SNTG1: variants seen among roughly 807,000 people sequenced by gnomAD.
SNTG1 encodes the protein syntrophin gamma 1.
Under a neutral mutation model 74.7 loss-of-function variants are expected in SNTG1, and 39 were observed. The ratio of observed to expected loss-of-function variants is 0.52; its 90% CI spans 0.40 to 0.68. The LOEUF (loss-of-function observed/expected upper bound fraction) is 0.68, where lower values mean the gene tolerates loss of function less well. Ranked by LOEUF, SNTG1 falls within the 30% of genes least tolerant of loss-of-function variation. The pLI is 0.00. For synonymous variants in SNTG1, 254 were observed against 217.1 expected (o/e 1.17, Z -1.49); for missense variants, 685 against 609.5 (o/e 1.12, Z -1.30).
At chr8:50,258,400 CAA>C (rs1178925426) in intron 2 of SNTG1, among the ~76,000 whole-genome samples, 1 of 151,818 alleles carries the variant, frequency 6.6e-6, no homozygotes, top group African/African-American at 2.4e-5. Flanking sequence ...GTAAAACATG[CAA>C]AGAGACAAGA....
At chr8:50,489,090 C>T (rs752987519) in intron 8 of SNTG1, among the ~76,000 whole-genome samples, 5 of 152,166 alleles carry the variant, frequency 3.3e-5, no homozygotes, top group Non-Finnish European at 5.9e-5. Context: ...ATCCATGTCC[C>T]CACAAGGGAT....
chr8:50,475,732 C>CA (rs1367378267), intron 8 of SNTG1, among the ~76,000 whole-genome samples: 13 of 151,124 alleles, frequency 8.6e-5, no homozygotes, highest in African/African-American at 2.7e-4. Context: ...GAAAGATTTC[C>CA]AAAAAAAATC....
intron 13 of SNTG1, among the ~76,000 whole-genome samples, chr8:50,645,052 T>C (rs2095099092): frequency 6.6e-6 from 1 of 151,748 alleles, no homozygotes; most frequent in Non-Finnish European, 1.5e-5. Context: ...CACCCTGCCA[T>C]CCCTCAGCTG....
At chr8:50,711,782 T>TA (rs1402864564) in intron 17 of SNTG1, among the ~76,000 whole-genome samples, 1 of 152,208 alleles carries the variant, frequency 6.6e-6, no homozygotes, top group Non-Finnish European at 1.5e-5. Flanking sequence ...CAAGAGGTGA[T>TA]ACATTCTTCA....
At position 50,779,012 on chromosome 8, in the gene SNTG1, T is replaced by C. The variant is rs181920746; in HGVS notation, c.1396-13659T>C. Among the ~76,000 whole-genome samples, 561 of 152,300 alleles carry C rather than the reference T, an allele frequency of 3.7e-3. 4 individuals are homozygous for C. The highest frequency in any genetic ancestry group is 0.012 in the African/African-American group (519 of 41,550). On this transcript the variant is annotated intron_variant, in intron 18 of 18. Coordinates refer to ENST00000642720, the MANE Select transcript of SNTG1 (RefSeq NM_018967.5). Reference sequence around the variant, plus strand: ...AGGTTTGTCAAAGATCAGATAGTTGTAGATATGCGGCGTTATTTCTGAGGG... The same window carrying C: ...AGGTTTGTCAAAGATCAGATAGTTGCAGATATGCGGCGTTATTTCTGAGGG...
In SNTG1 at chr8:50,421,055, G is replaced by A. The variant is rs1191795989; in HGVS notation, c.163-17488G>A. On this transcript the variant is annotated intron_variant, in intron 4 of 18. Transcript: ENST00000642720. Reference sequence around the variant, plus strand: ...AAAAAAAGGCGGTGGGCGGGGGAGGGGGGGGCGAAGATAAAGGGACATTTA... The same window carrying A: ...AAAAAAAGGCGGTGGGCGGGGGAGGAGGGGGCGAAGATAAAGGGACATTTA... Among the ~76,000 whole-genome samples, 9 of 122,954 alleles carry A rather than the reference G, an allele frequency of 7.3e-5. 2 individuals carry two copies. The highest frequency in any genetic ancestry group is 1.2e-4 in the Non-Finnish European group (7 of 57,618). The allele number at this position is 122,954 out of a possible 152,430, so 80.7% of individuals were successfully genotyped here.
intron 17 of SNTG1, among the ~76,000 whole-genome samples, chr8:50,730,439 G>T (rs965157882): frequency 6.6e-6 from 1 of 152,066 alleles, no homozygotes; most frequent in Non-Finnish European, 1.5e-5. Flanking sequence ...CACTATTTTG[G>T]CACTACTCAG....
intron 2 of SNTG1, among the ~76,000 whole-genome samples, chr8:50,386,524 A>C (rs1421510866): frequency 6.6e-6 from 1 of 151,924 alleles, no homozygotes; most frequent in Admixed American, 6.6e-5. Context: ...TTATTAGTTC[A>C]TTTGTATTGC....
At chr8:49,974,025 A>C (rs968654213) in intron 1 of SNTG1, among the ~76,000 whole-genome samples, 5 of 152,166 alleles carry the variant, frequency 3.3e-5, no homozygotes, top group African/African-American at 1.2e-4. Flanking sequence ...TCCTCTTTGA[A>C]TTCATTAAGA....
At chr8:50,340,630 C>A (rs914454483) in intron 2 of SNTG1, among the ~76,000 whole-genome samples, 3 of 151,852 alleles carry the variant, frequency 2.0e-5, no homozygotes, top group African/African-American at 7.2e-5. Flanking sequence ...ATTCCTAAGA[C>A]AACATGGCAG....
chr8:50,553,090 A>G lies in SNTG1; in HGVS notation c.721A>G (p.Thr241Ala), dbSNP rs951090377. 4 of 1,613,942 alleles carry G rather than the reference A, an allele frequency of 2.5e-6. No homozygotes were observed. The highest frequency in any genetic ancestry group is 3.4e-6 in the Non-Finnish European group (4 of 1,179,864). Reference sequence around the variant, plus strand: ...AGTCATTGCTGTGGATGGGGTCTGCACTGGGATTATTCAGTGCCTCTCTGC... The same window carrying G: ...AGTCATTGCTGTGGATGGGGTCTGCGCTGGGATTATTCAGTGCCTCTCTGC... ...FQVIAVDGVC[T>A]GIIQCLSAED... The change falls in exon 12 of 19, where the codon ACT becomes GCT. Residue 241 changes from threonine to alanine, a missense_variant. Physicochemically the swap from Thr to Ala is moderately conservative, Grantham distance 58 (BLOSUM62 0). Transcript: ENST00000642720.
intron 9 of SNTG1, among the ~76,000 whole-genome samples, chr8:50,517,305 T>G (rs1585545708): frequency 6.6e-6 from 1 of 151,890 alleles, no homozygotes; most frequent in Non-Finnish European, 1.5e-5. Flanking sequence ...GTGCTAAATA[T>G]GGAAAGGAAA....
At chr8:50,258,695 C>G (rs1003904262) in intron 2 of SNTG1, among the ~76,000 whole-genome samples, 8 of 151,936 alleles carry the variant, frequency 5.3e-5, no homozygotes, top group Admixed American at 5.2e-4. Context: ...AATAAACAAT[C>G]TATGAACTTG....
intron 16 of SNTG1, 82 bp downstream of exon 16, chr8:50,704,834 T>G: frequency 6.7e-7 from 1 of 1,484,176 alleles, no homozygotes; most frequent in Non-Finnish European, 9.2e-7. Context: ...CATTCCAAAG[T>G]AGTGTAAAAA....
At chr8:50,013,038 A>G (rs917498725) in intron 1 of SNTG1, among the ~76,000 whole-genome samples, 1 of 152,182 alleles carries the variant, frequency 6.6e-6, no homozygotes, top group Non-Finnish European at 1.5e-5. Flanking sequence ...AGAGAAGGGA[A>G]GTCCCTACTG....
chr8:50,565,049 C>T (rs560637222), intron 12 of SNTG1, among the ~76,000 whole-genome samples: 6 of 152,120 alleles, frequency 3.9e-5, no homozygotes, highest in Admixed American at 2.6e-4. Context: ...AAAAATGGCC[C>T]TTTGCCTCTG....
At chr8:50,312,759 A>T (rs1465333388) in intron 2 of SNTG1, among the ~76,000 whole-genome samples, 1 of 149,948 alleles carries the variant, frequency 6.7e-6, no homozygotes, top group Non-Finnish European at 1.5e-5. Context: ...GTGAAACAAA[A>T]ACCAGGGAAC....
intron 8 of SNTG1, among the ~76,000 whole-genome samples, chr8:50,465,958 G>T (rs1294468327): frequency 1.3e-5 from 2 of 152,064 alleles, no homozygotes; most frequent in African/African-American, 2.4e-5. Flanking sequence ...GGCTCAGAAG[G>T]CAGTTTCTGA....
intron 11 of SNTG1, among the ~76,000 whole-genome samples, chr8:50,540,314 G>A (rs189300682): frequency 4.0e-4 from 61 of 151,816 alleles, no homozygotes; most frequent in Admixed American, 9.8e-4. Context: ...AAATATTTTG[G>A]GATTTTCTAA....
Sources: allele counts gnomAD v4.1 joint callset (sites outside exome capture counted in the v4.1 genomes callset), GRCh38; gene constraint gnomAD v4.1.1; transcripts MANE v1.5; gene names NCBI Gene and HGNC (gene_info 2026-07-23, HGNC 2026-07-21).